The following MNAT1 variants were observed in gnomAD, a reference collection of about 807,000 sequenced individuals.
MNAT1 encodes MNAT1 component of CDK activating kinase, also known as CDK-activating kinase assembly factor MAT1.
A neutral mutation model predicts 42.0 loss-of-function variants in MNAT1; 43 were observed. That is an observed-to-expected ratio of 1.02 (90% CI 0.80 to 1.32). The LOEUF is 1.32. Among genes scored for constraint, MNAT1 ranks in the 40% most tolerant of loss-of-function variants. MNAT1 has a pLI of 0.00. For synonymous variants in MNAT1, 118 were observed against 120.0 expected, an observed-to-expected ratio of 0.98 and a Z score of 0.11; for missense variants, 306 against 350.4, an observed-to-expected ratio of 0.87 and a Z score of 1.01.
intron 1 of MNAT1, chr14:60,753,788 A>T (rs1207953761): frequency 1.3e-5 from 2 of 152,228 alleles, no homozygotes; most frequent in African/African-American, 4.8e-5. Flanking sequence ...TGAATCCAAG[A>T]GGGCTCCCAG....
chr14:60,890,862 A>G (rs993679208), intron 7 of MNAT1, among the ~76,000 whole-genome samples: 1 of 152,172 alleles, frequency 6.6e-6, no homozygotes, highest in Non-Finnish European at 1.5e-5. Context: ...GACTCTTGTT[A>G]GTCTCCTTTG....
At chr14:60,791,358 C>T (rs545630370) in intron 1 of MNAT1, among the ~76,000 whole-genome samples, 25 of 152,208 alleles carry the variant, frequency 1.6e-4, no homozygotes, top group African/African-American at 5.5e-4. Flanking sequence ...TTAATACCTG[C>T]TCCCAGGCCA....
intron 5 of MNAT1, 134 bp downstream of exon 5, chr14:60,812,261 T>C: frequency 1.3e-6 from 1 of 775,334 alleles, no homozygotes; most frequent in Non-Finnish European, 1.9e-6. Context: ...TTGTTGGTTA[T>C]GTATTGATAT....
chr14:60,736,698 C>T (rs951147515), intron 1 of MNAT1, among the ~76,000 whole-genome samples: 8 of 152,224 alleles, frequency 5.3e-5, no homozygotes, highest in Non-Finnish European at 7.4e-5. Flanking sequence ...TTACTCTTAC[C>T]GGCTCTGTGG....
intron 6 of MNAT1, among the ~76,000 whole-genome samples, chr14:60,852,606 A>G (rs1269033584): frequency 3.3e-5 from 5 of 152,164 alleles, no homozygotes; most frequent in East Asian, 3.9e-4. Context: ...TGTTTTAGTC[A>G]TAAAGTCTTT....
chr14:60,833,785 G>A (rs1456943905), intron 6 of MNAT1, among the ~76,000 whole-genome samples: 1 of 152,144 alleles, frequency 6.6e-6, no homozygotes, highest in Non-Finnish European at 1.5e-5. Context: ...GTAGTATTCA[G>A]CTGTGAATCT....
At chr14:60,752,271 A>G (rs961087957) in intron 1 of MNAT1, among the ~76,000 whole-genome samples, 5 of 152,166 alleles carry the variant, frequency 3.3e-5, no homozygotes, top group Admixed American at 3.3e-4. Flanking sequence ...CAGATGCTGT[A>G]TTTTTGAGAT....
intron 7 of MNAT1, among the ~76,000 whole-genome samples, chr14:60,938,491 T>A (rs1249639650): frequency 6.6e-6 from 1 of 152,176 alleles, no homozygotes; most frequent in African/African-American, 2.4e-5. Context: ...TAATCATGTG[T>A]TTTTTGTCGT....
intron 6 of MNAT1, among the ~76,000 whole-genome samples, chr14:60,853,990 G>A (rs1315922358): frequency 6.6e-6 from 1 of 152,070 alleles, no homozygotes; most frequent in South Asian, 2.1e-4. Flanking sequence ...TTGAGGCTTT[G>A]TTTGTTTCTT....
At chr14:60,796,088 G>T in intron 1 of MNAT1, 129 bp from the exon 2 acceptor site, 1 of 741,650 alleles carries the variant, frequency 1.3e-6, no homozygotes, top group Non-Finnish European at 1.9e-6. Context: ...AAAGTTTTTT[G>T]GTAAGATTTT....
chr14:60,879,759 C>CTGT lies in MNAT1; in HGVS notation c.734_736dup (p.Leu245dup), dbSNP rs745462651. 11 of 1,613,112 alleles carry CTGT rather than the reference C, an allele frequency of 6.8e-6. No individual in the cohort carries two copies. The South Asian group carries it at 1.2e-4, about 18-fold the overall frequency. On this transcript the variant is annotated inframe_insertion, in exon 7 of 8. Transcript: ENST00000261245. Reference sequence around the variant, plus strand: ...ACCTATTCACAAGCTTGAAGAAGCTCTGTATGAATACCAGCCACTGCAGAT... The same window carrying CTGT: ...ACCTATTCACAAGCTTGAAGAAGCTCTGTTGTATGAATACCAGCCACTGCAGAT...
At chr14:60,747,871 T>G (rs1255211937) in intron 1 of MNAT1, among the ~76,000 whole-genome samples, 2 of 152,194 alleles carry the variant, frequency 1.3e-5, no homozygotes, top group East Asian at 3.8e-4. Context: ...TTTATGTCCT[T>G]ATTCTATAAG....
chr14:60,920,008 A>T (rs576292177), intron 7 of MNAT1: 5 of 153,410 alleles, frequency 3.3e-5, no homozygotes, highest in Admixed American at 2.0e-4. Flanking sequence ...TGACAAAGGT[A>T]TCCTAGTACT....
At chr14:60,937,544 A>G (rs1263909148) in intron 7 of MNAT1, among the ~76,000 whole-genome samples, 2 of 152,092 alleles carry the variant, frequency 1.3e-5, no homozygotes, top group Admixed American at 6.6e-5. Context: ...GGTTGTAGAT[A>G]TGTGGCATTA....
At chr14:60,909,240 T>A (rs61211217) in intron 7 of MNAT1, among the ~76,000 whole-genome samples, 36,158 of 151,942 alleles carry the variant, frequency 0.24, 4,630 homozygotes, top group Middle Eastern at 0.3. Context: ...GTCAGATGAG[T>A]AGGTTGCAAA....
chr14:60,795,632 T>G (rs1594759251), intron 1 of MNAT1, among the ~76,000 whole-genome samples: 1 of 152,178 alleles, frequency 6.6e-6, no homozygotes, highest in African/African-American at 2.4e-5. Flanking sequence ...ATGGCAGAAG[T>G]TGTGTTCATT....
At chr14:60,943,806 T>C (rs544762416) in intron 7 of MNAT1, among the ~76,000 whole-genome samples, 1 of 152,300 alleles carries the variant, frequency 6.6e-6, no homozygotes, top group South Asian at 2.1e-4. Context: ...AGGGAGACTG[T>C]TAGCATGTTT....
chr14:60,819,961 T>A (rs1431878474), intron 6 of MNAT1, among the ~76,000 whole-genome samples: 1 of 152,212 alleles, frequency 6.6e-6, no homozygotes, highest in Non-Finnish European at 1.5e-5. Flanking sequence ...AACGAGTTGA[T>A]AACACAAATG....
chr14:60,784,874 A>C (rs1566764490), intron 1 of MNAT1, among the ~76,000 whole-genome samples: 1 of 151,112 alleles, frequency 6.6e-6, no homozygotes, highest in African/African-American at 2.4e-5. Context: ...TTTTTTGAGA[A>C]CGAGTCTCAA....
Sources: gnomAD v4.1 joint callset for allele counts (sites outside exome capture counted in the v4.1 genomes callset) on GRCh38, gnomAD v4.1.1 for gene constraint, MANE v1.5 for transcripts, NCBI Gene and HGNC (gene_info 2026-07-23, HGNC 2026-07-21) for gene names.